C7: variants seen among roughly 807,000 people sequenced by gnomAD.
C7 encodes the protein complement C7, also known as complement component C7.
A neutral mutation model predicts 104.8 loss-of-function variants in C7; 83 were observed. The ratio of observed to expected loss-of-function variants is 0.79; its 90% CI spans 0.66 to 0.95. C7 has a LOEUF of 0.95. Among genes scored for constraint, C7 ranks in the 40% least tolerant of loss-of-function variants. The pLI is 0.00. For synonymous variants in C7, 415 were observed against 360.6 expected (o/e 1.15, Z -1.71); for missense variants, 1,070 against 1,011.2 (o/e 1.06, Z -0.79).
In C7 at chr5:40,947,659, A is replaced by T. The variant is rs903968294; in HGVS notation, c.796A>T (p.Asn266Tyr). 9.9e-6 allele frequency: 16 copies of T among 1,613,610 alleles called. No individual in the cohort carries two copies. The highest frequency in any genetic ancestry group is 1.4e-5 in the Non-Finnish European group (16 of 1,179,714). ...TVEVAQFINNNPEFLQLAEPF... is the reference protein window; with the variant it reads ...TVEVAQFINNYPEFLQLAEPF... ...TGAAGTGGCTCAGTTCATTAATAAC[A>T]ATCCAGAATTTTTACAACTTGCTGA... Residue 266 changes from asparagine to tyrosine, a missense_variant, in exon 8 of 18, where the codon AAT (asparagine) becomes TAT (tyrosine). Transcript: ENST00000313164.
At chr5:40,974,475 G>T (rs769840087) in intron 15 of C7, among the ~76,000 whole-genome samples, 1 of 151,008 alleles carries the variant, frequency 6.6e-6, no homozygotes, top group Non-Finnish European at 1.5e-5. Context: ...GAGTGCAGCG[G>T]CACAATCTCA....
intron 3 of C7, among the ~76,000 whole-genome samples, chr5:40,932,580 A>G (rs1739719718): frequency 2.0e-5 from 3 of 152,208 alleles, no homozygotes; most frequent in South Asian, 4.1e-4. Flanking sequence ...TTTAGTACCT[A>G]CATGAGTAGT....
Position 40,928,576 on chromosome 5 carries a change from C to T in C7, c.7-4C>T, listed in dbSNP as rs1391593801. On this transcript the variant is annotated splice_region_variant and splice_polypyrimidine_tract_variant and intron_variant, in intron 1 of 17. Coordinates refer to ENST00000313164, the MANE Select transcript of C7 (RefSeq NM_000587.4). ...AATAATACTTTATTGTTTTTCTTCT[C>T]CAGGTGATAAGCTTATTCATTTTGG... The T allele has an allele frequency of 3.3e-6, 5 of 1,497,136 alleles. No homozygotes were observed. The East Asian group carries it at 9.8e-5, about 29-fold the overall frequency. 92.7% of individuals were successfully genotyped at this position (1,497,136 alleles called of 1,614,324 possible).
intron 3 of C7, among the ~76,000 whole-genome samples, chr5:40,933,344 C>T (rs1410096065): frequency 6.6e-6 from 1 of 152,116 alleles, no homozygotes; most frequent in African/African-American, 2.4e-5. Context: ...CCTCAGGACG[C>T]TCAGTTTTGG....
intron 6 of C7, among the ~76,000 whole-genome samples, chr5:40,943,399 G>C (rs1739980903): frequency 6.6e-6 from 1 of 152,118 alleles, no homozygotes; most frequent in Non-Finnish European, 1.5e-5. Context: ...GGAAGAAGGA[G>C]GGTATTAATT....
chr5:40,968,590 ATATATATATATTTTTTTTT>A (rs1740617506), intron 14 of C7, among the ~76,000 whole-genome samples: 9 of 43,850 alleles, frequency 2.1e-4, no homozygotes, highest in African/African-American at 8.1e-4. Flanking sequence ...ATATATATAT[ATATATATATATTTTTTTTT>A]TTTTTTTTTT....
intron 6 of C7, among the ~76,000 whole-genome samples, chr5:40,940,571 G>A (rs963368579): frequency 1.3e-5 from 2 of 152,082 alleles, no homozygotes; most frequent in African/African-American, 4.8e-5. Context: ...AATTCTAAAG[G>A]CAATTTTAAT....
At chr5:40,973,237 A>T (rs1740736655) in intron 15 of C7, among the ~76,000 whole-genome samples, 1 of 152,242 alleles carries the variant, frequency 6.6e-6, no homozygotes, top group Non-Finnish European at 1.5e-5. Flanking sequence ...AGGTAATTTT[A>T]GATGAGATAG....
chr5:40,912,652 C>T (rs963586141), intron 1 of C7, among the ~76,000 whole-genome samples: 1 of 152,178 alleles, frequency 6.6e-6, no homozygotes, highest in African/African-American at 2.4e-5. Flanking sequence ...AGCCACCAAA[C>T]CTGGCTGAAA....
Position 40,957,736 on chromosome 5 carries a change from G to A in C7, c.1261-297G>A, listed in dbSNP as rs115562948. Among the ~76,000 whole-genome samples, 1,240 of 150,222 alleles carry A rather than the reference G, an allele frequency of 8.3e-3. 14 individuals are homozygous for A. The highest frequency in any genetic ancestry group is 0.027 in the African/African-American group (1,100 of 40,810). Reference sequence around the variant, plus strand: ...CTCTCAAAGTGCTGGCGTTACAGGCGTGAGTCATCGCGCCTGGGCTGGTTT... The same window carrying A: ...CTCTCAAAGTGCTGGCGTTACAGGCATGAGTCATCGCGCCTGGGCTGGTTT... On this transcript the variant is annotated intron_variant, in intron 10 of 17. Coordinates refer to ENST00000313164, the MANE Select transcript of C7 (RefSeq NM_000587.4).
At chr5:40,937,975 A>T (rs976369432) in intron 6 of C7, among the ~76,000 whole-genome samples, 2 of 152,140 alleles carry the variant, frequency 1.3e-5, no homozygotes, top group African/African-American at 2.4e-5. Context: ...TGGTGTAGGC[A>T]TTAAACTGAA....
chr5:40,931,993 C>T (rs564010498), intron 3 of C7, among the ~76,000 whole-genome samples: 79 of 152,236 alleles, frequency 5.2e-4, no homozygotes, highest in South Asian at 8.3e-4. Context: ...CTCTTGATCT[C>T]GTGATCCACC....
chr5:40,942,912 G>A lies in C7; in HGVS notation c.568-2286G>A, dbSNP rs142799620. Among the ~76,000 whole-genome samples the A allele has an allele frequency of 3.2e-3, 490 of 151,900 alleles. 2 individuals are homozygous for A. Among genetic ancestry groups the A allele is most frequent in the African/African-American group, 0.01 (419 of 41,448 alleles). On this transcript the variant is annotated intron_variant, in intron 6 of 17. Transcript: ENST00000313164. ...CCCGAGTAGCTGGGATTACAGGCAC[G>A]CACCACCATGCCCAGCTAATTTTTG...
chr5:40,943,501 G>A (rs985896432), intron 6 of C7, among the ~76,000 whole-genome samples: 2 of 151,820 alleles, frequency 1.3e-5, no homozygotes, highest in Non-Finnish European at 2.9e-5. Context: ...CTGAACTAAA[G>A]CAGCTGAGAG....
chr5:40,934,049 AT>A (rs35211171), intron 3 of C7, among the ~76,000 whole-genome samples: 16,894 of 139,042 alleles, frequency 0.12, 1,913 homozygotes, highest in African/African-American at 0.32. Flanking sequence ...CACTAACATC[AT>A]TTTTTTTTTT....
At chr5:40,960,438 C>T (rs892730225) in intron 12 of C7, among the ~76,000 whole-genome samples, 2 of 152,138 alleles carry the variant, frequency 1.3e-5, no homozygotes, top group African/African-American at 4.8e-5. Flanking sequence ...GCCTTGTAAT[C>T]TGGCATTAAT....
chr5:40,947,568 C>T (rs1740076404), intron 7 of C7, 34 bp from the exon 8 acceptor site: 1 of 1,608,752 alleles, frequency 6.2e-7, no homozygotes, highest in Non-Finnish European at 8.5e-7. Context: ...TATCTTCCAC[C>T]TAAAACTCCT....
At chr5:40,911,918 T>TA (rs1739217430) in intron 1 of C7, among the ~76,000 whole-genome samples, 2 of 151,620 alleles carry the variant, frequency 1.3e-5, no homozygotes, top group Admixed American at 1.3e-4. Flanking sequence ...TTTGTATTTT[T>TA]TTTTTTTTTT....
At chr5:40,956,126 C>A (rs930047250) in intron 10 of C7, among the ~76,000 whole-genome samples, 1 of 152,170 alleles carries the variant, frequency 6.6e-6, no homozygotes, top group African/African-American at 2.4e-5. Flanking sequence ...ACACAGCACT[C>A]AAATTTTCAT....
Sources: gnomAD v4.1 joint callset for allele counts (sites outside exome capture counted in the v4.1 genomes callset) on GRCh38, gnomAD v4.1.1 for gene constraint, MANE v1.5 for transcripts, NCBI Gene and HGNC (gene_info 2026-07-23, HGNC 2026-07-21) for gene names.